Variants in ADGRA3 observed in about 807,000 individuals in gnomAD.
ADGRA3 encodes the protein G-protein coupled receptor 125.
Under a neutral mutation model 119.8 loss-of-function variants are expected in ADGRA3, and 56 were observed. The ratio of observed to expected loss-of-function variants is 0.47; its 90% CI spans 0.38 to 0.58. The LOEUF is 0.58. Ranked by LOEUF, ADGRA3 falls within the 20% of genes least tolerant of loss-of-function variation. ADGRA3 has a pLI of 0.00. For missense variants in ADGRA3, 1,516 were observed against 1,649.0 expected (o/e 0.92, Z 1.40); for synonymous variants, 607 against 623.8 (o/e 0.97, Z 0.40).
intron 1 of ADGRA3, among the ~76,000 whole-genome samples, chr4:22,504,035 A>C (rs1387661954): frequency 6.6e-6 from 1 of 152,148 alleles, no homozygotes; most frequent in African/African-American, 2.4e-5. Flanking sequence ...CAGAATCATA[A>C]AAAGGGCTTA....
intron 14 of ADGRA3, among the ~76,000 whole-genome samples, chr4:22,408,545 G>A (rs754646894): frequency 6.6e-6 from 1 of 152,122 alleles, no homozygotes; most frequent in Admixed American, 6.5e-5. Flanking sequence ...CTAAAGAAGT[G>A]CTCAACATCA....
At chr4:22,419,807 T>C (rs1045545932) in intron 12 of ADGRA3, among the ~76,000 whole-genome samples, 1 of 152,198 alleles carries the variant, frequency 6.6e-6, no homozygotes, top group Non-Finnish European at 1.5e-5. Context: ...ATAAGGAAAG[T>C]TGAGCAGGTC....
intron 16 of ADGRA3, among the ~76,000 whole-genome samples, chr4:22,399,039 C>T (rs527640058): frequency 1.3e-5 from 2 of 152,176 alleles, no homozygotes; most frequent in Non-Finnish European, 2.9e-5. Context: ...TTGGCATTGT[C>T]AGGCTTAACT....
intron 1 of ADGRA3, among the ~76,000 whole-genome samples, chr4:22,495,076 TTCTC>T (rs916196632): frequency 2.6e-5 from 4 of 151,856 alleles, no homozygotes; most frequent in Admixed American, 6.6e-5. Flanking sequence ...TGAATGTGGT[TTCTC>T]TCTCTCTCAA....
In ADGRA3 at chr4:22,445,038, C is replaced by G. The variant is rs1217019843; in HGVS notation, c.641G>C (p.Cys214Ser). The stretch of plus-strand genomic sequence containing the variant: ...GGCCTGCAGTGACTTAGGATAAACA[C>G]ACCTGGTATCCCGTACCGTGATGTT... ...EKNITVRDTR[C>S]VYPKSLQAQP... Residue 214 changes from cysteine to serine, a missense_variant, in exon 6 of 19, where the codon TGT (cysteine) becomes TCT (serine). Transcript: ENST00000334304. 1 of 1,613,952 alleles carries G rather than the reference C, an allele frequency of 6.2e-7. No individual in the cohort carries two copies. The highest frequency in any genetic ancestry group is 8.5e-7 in the Non-Finnish European group (1 of 1,179,926).
At chr4:22,497,109 G>A (rs1718855952) in intron 1 of ADGRA3, among the ~76,000 whole-genome samples, 1 of 152,198 alleles carries the variant, frequency 6.6e-6, no homozygotes, top group Non-Finnish European at 1.5e-5. Context: ...GTTAGGTGGG[G>A]AACAGAGGGA....
chr4:22,453,338 T>C lies in ADGRA3; in HGVS notation c.473+1528A>G, dbSNP rs1285713254. Among the ~76,000 whole-genome samples, 9 of 152,194 alleles carry C rather than the reference T, an allele frequency of 5.9e-5. No individual in the cohort carries two copies. In the East Asian group the frequency reaches 1.7e-3, roughly 29 times the overall value. ...CAGTTAATTTAACTAACTTAAGTCA[T>C]GAGTAAAGCTGCACACCAAATCAGT... On this transcript the variant is annotated intron_variant, in intron 4 of 18. Coordinates refer to ENST00000334304, the MANE Select transcript of ADGRA3 (RefSeq NM_145290.4).
At chr4:22,409,971 A>G (rs546947485) in intron 14 of ADGRA3, among the ~76,000 whole-genome samples, 2 of 152,310 alleles carry the variant, frequency 1.3e-5, no homozygotes, top group South Asian at 4.2e-4. Context: ...TGAGTATAGT[A>G]CTTATTTTAA....
rs75234361 is a variant in ADGRA3 at position 22,421,164 on chromosome 4, A to T, written c.1606-75T>A. 3.5e-3 allele frequency: 4,312 copies of T among 1,245,206 alleles called. 119 individuals carry two copies. The African/African-American group carries it at 0.058, about 17-fold the overall frequency. The allele number at this position is 1,245,206 out of a possible 1,614,324, so 77.1% of individuals were successfully genotyped here. ...AAAAGCACTTTCAAAGACTTTTCAA[A>T]CACAAAACACTATGCATTAGCCAAA... On this transcript the variant is annotated intron_variant, in intron 11 of 18. Coordinates refer to ENST00000334304, the MANE Select transcript of ADGRA3 (RefSeq NM_145290.4).
At chr4:22,425,839 TC>T (rs1338621690) in intron 10 of ADGRA3, among the ~76,000 whole-genome samples, 1 of 152,118 alleles carries the variant, frequency 6.6e-6, no homozygotes, top group Non-Finnish European at 1.5e-5. Context: ...CCTTTGGAAA[TC>T]CACCAGATCC....
At chr4:22,455,389 C>T (rs1025806150) in intron 3 of ADGRA3, among the ~76,000 whole-genome samples, 9 of 152,054 alleles carry the variant, frequency 5.9e-5, no homozygotes, top group Non-Finnish European at 8.8e-5. Context: ...TTCATTTCCT[C>T]GGAAACATCT....
chr4:22,434,509 A>C (rs923243516), intron 10 of ADGRA3, among the ~76,000 whole-genome samples: 3 of 152,166 alleles, frequency 2.0e-5, no homozygotes, highest in Non-Finnish European at 2.9e-5. Flanking sequence ...GGCGTGCCCT[A>C]ACCTAAGCGT....
intron 8 of ADGRA3, among the ~76,000 whole-genome samples, chr4:22,436,883 T>C (rs1324730454): frequency 1.3e-5 from 2 of 152,136 alleles, no homozygotes; most frequent in Non-Finnish European, 2.9e-5. Context: ...AACCACTAAA[T>C]GACAGTATCA....
At chr4:22,498,060 G>A (rs1384677075) in intron 1 of ADGRA3, among the ~76,000 whole-genome samples, 2 of 151,504 alleles carry the variant, frequency 1.3e-5, no homozygotes, top group East Asian at 2.0e-4. Context: ...GGCCAAAGTG[G>A]TGAACCCCAT....
At chr4:22,422,060 C>T (rs916681835) in intron 11 of ADGRA3, among the ~76,000 whole-genome samples, 1 of 152,000 alleles carries the variant, frequency 6.6e-6, no homozygotes, top group South Asian at 2.1e-4. Flanking sequence ...TACAGACAGC[C>T]ACCAGGCCCA....
intron 3 of ADGRA3, among the ~76,000 whole-genome samples, chr4:22,458,067 G>A (rs538598264): frequency 2.6e-5 from 4 of 152,314 alleles, no homozygotes; most frequent in African/African-American, 7.2e-5. Context: ...ATAGATTGCA[G>A]GGAAAAATAT....
intron 1 of ADGRA3, among the ~76,000 whole-genome samples, chr4:22,492,532 T>C (rs1187286345): frequency 6.6e-6 from 1 of 151,964 alleles, no homozygotes; most frequent in African/African-American, 2.4e-5. Context: ...CCTTATAGAG[T>C]TTATGTACTA....
chr4:22,482,639 T>A (rs565879014), intron 1 of ADGRA3, among the ~76,000 whole-genome samples: 2 of 152,268 alleles, frequency 1.3e-5, no homozygotes, highest in Non-Finnish European at 2.9e-5. Flanking sequence ...CACTCCAGCC[T>A]GGGCCACAGA....
Position 22,442,644 on chromosome 4 carries a change from G to T in ADGRA3, c.920+6C>A. 2.0e-6 allele frequency: 3 copies of T among 1,534,786 alleles called. No homozygotes were observed. Among genetic ancestry groups the T allele is most frequent in the South Asian group, 2.4e-5 (2 of 81,870 alleles). ...TTCTTCATTCAAAAAAAAAAAAAAA[G>T]TTTACCTTGCAATCAAGGAGCAGTT... is the stretch of plus-strand genomic sequence containing the variant. On this transcript the variant is annotated splice_donor_region_variant and intron_variant, in intron 7 of 18. Transcript: ENST00000334304.
Sources: allele counts gnomAD v4.1 joint callset (sites outside exome capture counted in the v4.1 genomes callset), GRCh38; gene constraint gnomAD v4.1.1; transcripts MANE v1.5; gene names NCBI Gene and HGNC (gene_info 2026-07-23, HGNC 2026-07-21).